Variants in TLX2 observed in about 807,000 individuals in gnomAD.
TLX2 encodes T-cell leukemia homeobox protein 2.
A neutral mutation model predicts 21.7 loss-of-function variants in TLX2; 15 were observed. The ratio of observed to expected loss-of-function variants is 0.69; its 90% confidence interval spans 0.46 to 1.07. TLX2 has a LOEUF of 1.07. TLX2 is among the 50% of genes least tolerant of loss of function. The pLI is 0.00. For synonymous variants in TLX2, 213 were observed against 193.1 expected, an observed-to-expected ratio of 1.10 and a Z score of -0.85; for missense variants, 384 against 409.1, an observed-to-expected ratio of 0.94 and a Z score of 0.53.
Position 74,516,770 on chromosome 2 carries a change from C to A in TLX2, c.*581C>A. ...CTAAGGATTCCTTCCTGACTTTGAG[C>A]CTCACGTTGTCATGTGTGTTCAGCC... On this transcript the variant is annotated 3_prime_UTR_variant, in exon 3 of 3. Coordinates refer to ENST00000233638, the MANE Select transcript of TLX2 (RefSeq NM_016170.5). The A allele has an allele frequency of 6.0e-6, 1 of 167,554 alleles. No individual in the cohort carries two copies. Among genetic ancestry groups the A allele is most frequent in the Non-Finnish European group, 1.3e-5 (1 of 77,730 alleles). The allele number at this position is 167,554 out of a possible 1,614,324, so 10.4% of individuals were successfully genotyped here.
chr2:74,516,030 G>C lies in TLX2; in HGVS notation c.696G>C (p.Leu232=). The C allele has an allele frequency of 6.4e-7, 1 of 1,556,692 alleles. No individual in the cohort carries two copies. The highest frequency in any genetic ancestry group is 1.2e-5 in the South Asian group (1 of 85,606). Residue 232 remains leucine, a synonymous_variant, in exon 3 of 3, where the codon CTG becomes CTC. Transcript: ENST00000233638. ...GGCACCGCGCGGGCCGGCTGCTCCT[G>C]CATCTGCAGCAGGACGCGTTGCCAC... ...AERHRAGRLL[L]HLQQDALPRP... is the part of the protein sequence containing the mutation.
At position 74,515,858 on chromosome 2, in the gene TLX2, G is replaced by A. The variant is rs1331120057; in HGVS notation, c.626G>A (p.Arg209His). The change falls in exon 2 of 3, where the codon CGC becomes CAC. Residue 209 changes from arginine (R) to histidine (H), a missense_variant. Arg to His is a conservative substitution (Grantham distance 29, BLOSUM62 0). Transcript: ENST00000233638. The surrounding 1 kb of genome is among the most constrained non-coding windows in gnomAD (Gnocchi z 6.6). ...AQVKTWFQNR[R>H]TKWRRQTAEE... ...GTCAAAACGTGGTTCCAGAACCGAC[G>A]CACCAAGTGGCGGTGAGGCGCGGCG... The A allele has an allele frequency of 1.9e-6, 3 of 1,605,954 alleles. No homozygotes were observed. The highest frequency in any genetic ancestry group is 2.6e-6 in the Non-Finnish European group (3 of 1,175,328).
chr2:74,515,290 C>G lies in TLX2; in HGVS notation c.400+84C>G. The G allele has an allele frequency of 1.3e-6, 2 of 1,532,702 alleles. No individual in the cohort carries two copies. The highest frequency in any genetic ancestry group is 2.4e-5 in the South Asian group (2 of 83,512). The allele number at this position is 1,532,702 out of a possible 1,614,324, so 94.9% of individuals were successfully genotyped here. On this transcript the variant is annotated intron_variant, in intron 1 of 2. Coordinates refer to ENST00000233638, the MANE Select transcript of TLX2 (RefSeq NM_016170.5). This position sits in a 1 kb window ranked among gnomAD's most constrained non-coding sequence, Gnocchi z 6.6. The stretch of plus-strand genomic sequence containing the variant: ...TTAGCTTTCTGCTCCAACTCAAGGA[C>G]CCCTTTCACACCTCCCACTAGATCC...
rs1674884853 is a variant in TLX2 at position 74,516,312 on chromosome 2, A to C, written c.*123A>C. ...GCGGCAGGCCTTGAGGCTGTCGTCG[A>C]GGGCTCCTCCACCACCGGCCGGCTC... On this transcript the variant is annotated 3_prime_UTR_variant, in exon 3 of 3. Coordinates refer to ENST00000233638, the MANE Select transcript of TLX2 (RefSeq NM_016170.5). 6.6e-7 allele frequency: 1 copy of C among 1,524,896 alleles called. No homozygotes were observed. The highest frequency in any genetic ancestry group is 8.8e-7 in the Non-Finnish European group (1 of 1,141,622). 94.5% of individuals were successfully genotyped at this position (1,524,896 alleles called of 1,614,324 possible). A position where few individuals can be genotyped will look rare whatever the true frequency, so the allele number is the denominator to read the frequency against.
rs781226088 is a variant in TLX2, at chr2:74,516,247, G to T, written c.*58G>T. The T allele has an allele frequency of 2.6e-6, 4 of 1,567,040 alleles. No individual in the cohort carries two copies. The highest frequency in any genetic ancestry group is 4.7e-5 in the East Asian group (2 of 42,622). ...GCCCGGAGCGGTGGAGCGCGCGGCT[G>T]CCTGCGTCCATGGTCTAGTGGCAGC... On this transcript the variant is annotated 3_prime_UTR_variant, in exon 3 of 3. Transcript: ENST00000233638.
rs1674865752 is a variant in TLX2 at position 74,515,697 on chromosome 2, G to A, written c.465G>A (p.Pro155=). ...ACCCCTACCAAAACCGGACCCCTCCGAAGCGGAAGAAGCCGCGCACGTCCT... is the reference window on the plus strand; with the variant it reads ...ACCCCTACCAAAACCGGACCCCTCCAAAGCGGAAGAAGCCGCGCACGTCCT... ...IGHPYQNRTP[P]KRKKPRTSFS... is the part of the protein sequence containing the mutation. Residue 155 remains proline, a synonymous_variant, in exon 2 of 3, where the codon CCG becomes CCA. Transcript: ENST00000233638. The surrounding 1 kb of genome is among the most constrained non-coding windows in gnomAD (Gnocchi z 6.6). 6.2e-7 allele frequency: 1 copy of A among 1,613,714 alleles called. No homozygotes were observed. Among genetic ancestry groups the A allele is most frequent in the Non-Finnish European group, 8.5e-7 (1 of 1,179,960 alleles).
In TLX2 at chr2:74,515,554, C is replaced by A; in HGVS notation, c.401-79C>A. On this transcript the variant is annotated intron_variant, in intron 1 of 2. Coordinates refer to ENST00000233638, the MANE Select transcript of TLX2 (RefSeq NM_016170.5). This position sits in a 1 kb window ranked among gnomAD's most constrained non-coding sequence, Gnocchi z 6.6. ...GGACAGGGCGCGGGAGTTCTGCGGC[C>A]TGGACAGCCGCGCGGCCTTCTCAGT... 7.0e-7 allele frequency: 1 copy of A among 1,422,192 alleles called. No homozygotes were observed. Among genetic ancestry groups the A allele is most frequent in the Non-Finnish European group, 9.7e-7 (1 of 1,035,030 alleles). The allele number at this position is 1,422,192 out of a possible 1,614,324, so 88.1% of individuals were successfully genotyped here.
In TLX2 at chr2:74,516,454, C is replaced by T; in HGVS notation, c.*265C>T. The T allele has an allele frequency of 7.4e-7, 1 of 1,359,148 alleles. No homozygotes were observed. Among genetic ancestry groups the T allele is most frequent in the South Asian group, 1.5e-5 (1 of 66,150 alleles). 84.2% of individuals were successfully genotyped at this position (1,359,148 alleles called of 1,614,324 possible). On this transcript the variant is annotated 3_prime_UTR_variant, in exon 3 of 3. Transcript: ENST00000233638. Reference sequence around the variant, plus strand: ...TGAGGCGCCGAGAGGGCGGGACCTGCAGGACAGTAGCCAATGAGGTGCGGG... The same window carrying T: ...TGAGGCGCCGAGAGGGCGGGACCTGTAGGACAGTAGCCAATGAGGTGCGGG...
At position 74,516,689 on chromosome 2, in the gene TLX2, C is replaced by T. The variant is rs573136944; in HGVS notation, c.*500C>T. On this transcript the variant is annotated 3_prime_UTR_variant, in exon 3 of 3. Transcript: ENST00000233638. ...GCGCGAGAGGCTGGCTGATTGTGAC[C>T]GAAACCAGAGGGTTGTCCACCCCGG... 470 of 269,668 alleles carry T rather than the reference C, an allele frequency of 1.7e-3. 1 individual carries two copies. The highest frequency in any genetic ancestry group is 0.011 in the Middle Eastern group (7 of 616). The allele number at this position is 269,668 out of a possible 1,614,324, so 16.7% of individuals were successfully genotyped here.
Position 74,516,026 on chromosome 2 carries a change from T to C in TLX2, c.692T>C (p.Leu231Pro), listed in dbSNP as rs781511236. 1.3e-6 allele frequency: 2 copies of C among 1,550,578 alleles called. No homozygotes were observed. Among genetic ancestry groups the C allele is most frequent in the East Asian group, 5.0e-5 (2 of 39,936 alleles). Residue 231 changes from leucine to proline, a missense_variant, in exon 3 of 3, where the codon CTC becomes CCC. By Grantham distance (98) the Leu-to-Pro change is moderately conservative. Coordinates refer to ENST00000233638, the MANE Select transcript of TLX2 (RefSeq NM_016170.5). ...EAERHRAGRL[L>P]LHLQQDALPR... ...GAGCGGCACCGCGCGGGCCGGCTGC[T>C]CCTGCATCTGCAGCAGGACGCGTTG...
chr2:74,514,938 T>C lies in TLX2; in HGVS notation c.132T>C (p.His44=). The C allele has an allele frequency of 1.9e-6, 3 of 1,600,152 alleles. No homozygotes were observed. Among genetic ancestry groups the C allele is most frequent in the South Asian group, 1.1e-5 (1 of 89,842 alleles). ...GCCTGGGTCGCGGGGGCCAGGGTCA[T>C]GGGGAGAATGGGGCGTTCTCGGGTG... ...GLGLGRGGQG[H]GENGAFSGGY... Residue 44 remains histidine (H), a synonymous_variant, in exon 1 of 3, where the codon CAT becomes CAC. Coordinates refer to ENST00000233638, the MANE Select transcript of TLX2 (RefSeq NM_016170.5). The surrounding 1 kb of genome is among the most constrained non-coding windows in gnomAD (Gnocchi z 5.0).
Position 74,515,120 on chromosome 2 carries a change from C to A in TLX2, c.314C>A (p.Ser105Ter). Residue 105 changes from serine (S) to a stop codon, truncating the protein, a stop_gained, in exon 1 of 3, where the codon TCG becomes TAG. Coordinates refer to ENST00000233638, the MANE Select transcript of TLX2 (RefSeq NM_016170.5). LOFTEE classifies it high-confidence loss of function. The surrounding 1 kb of genome is among the most constrained non-coding windows in gnomAD (Gnocchi z 6.6). ...AGGAPAVPGP[S>*]GLGGAGGLAG... ...GGGGCGCCTGCAGTGCCTGGGCCCTCGGGTTTGGGCGGCGCCGGAGGCCTA... is the reference window on the plus strand; with the variant it reads ...GGGGCGCCTGCAGTGCCTGGGCCCTAGGGTTTGGGCGGCGCCGGAGGCCTA... The A allele has an allele frequency of 6.5e-7, 1 of 1,539,520 alleles. No homozygotes were observed. Among genetic ancestry groups the A allele is most frequent in the Non-Finnish European group, 8.7e-7 (1 of 1,144,902 alleles).
chr2:74,516,056 G>GGCCGCTGCGGCC lies in TLX2; in HGVS notation c.731_742dup (p.Arg244_Leu247dup), dbSNP rs749378097. On this transcript the variant is annotated inframe_insertion, in exon 3 of 3. Coordinates refer to ENST00000233638, the MANE Select transcript of TLX2 (RefSeq NM_016170.5). ...CATCTGCAGCAGGACGCGTTGCCAC[G>GGCCGCTGCGGCC]GCCGCTGCGGCCGCCGCTGCCCCCG... 63 of 1,583,048 alleles carry GGCCGCTGCGGCC rather than the reference G, an allele frequency of 4.0e-5. No homozygotes were observed. The African/African-American group carries it at 7.5e-4, about 19-fold the overall frequency.
In TLX2 at chr2:74,516,007, C is replaced by T; in HGVS notation, c.673C>T (p.His225Tyr). The change falls in exon 3 of 3, where the codon CAC becomes TAC. Residue 225 changes from histidine (H) to tyrosine (Y), a missense_variant. Transcript: ENST00000233638. ...GGCGGAGGAGCGCGAGGCCGAGCGG[C>T]ACCGCGCGGGCCGGCTGCTCCTGCA... ...QTAEEREAER[H>Y]RAGRLLLHLQ... 1 of 1,516,752 alleles carries T rather than the reference C, an allele frequency of 6.6e-7. No individual in the cohort carries two copies. The highest frequency in any genetic ancestry group is 1.4e-5 in the African/African-American group (1 of 69,722). The allele number at this position is 1,516,752 out of a possible 1,614,324, so 94.0% of individuals were successfully genotyped here.
Position 74,516,615 on chromosome 2 carries a change from G to T in TLX2, c.*426G>T. ...CCGGCTGGGTCTGTACCAAAGGTGTGAAGGAAAGAAGACACCGACCACGGC... is the reference window on the plus strand; with the variant it reads ...CCGGCTGGGTCTGTACCAAAGGTGTTAAGGAAAGAAGACACCGACCACGGC... On this transcript the variant is annotated 3_prime_UTR_variant, in exon 3 of 3. Coordinates refer to ENST00000233638, the MANE Select transcript of TLX2 (RefSeq NM_016170.5). The T allele has an allele frequency of 1.1e-6, 1 of 878,932 alleles. No homozygotes were observed. Among genetic ancestry groups the T allele is most frequent in the Non-Finnish European group, 1.4e-6 (1 of 696,920 alleles). The allele number at this position is 878,932 out of a possible 1,614,324, so 54.4% of individuals were successfully genotyped here.
Position 74,514,923 on chromosome 2 carries a change from C to T in TLX2, c.117C>T (p.Arg39=), listed in dbSNP as rs753274864. The T allele has an allele frequency of 5.6e-6, 9 of 1,607,848 alleles. No individual in the cohort carries two copies. The highest frequency in any genetic ancestry group is 7.6e-6 in the Non-Finnish European group (9 of 1,177,722). ...ETPGGGLGLG[R]GGQGHGENGA... ...CAGGGGGCGGTCTAGGCCTGGGTCG[C>T]GGGGGCCAGGGTCATGGGGAGAATG... The change falls in exon 1 of 3, where the codon CGC becomes CGT. Residue 39 remains arginine (R), a synonymous_variant. Coordinates refer to ENST00000233638, the MANE Select transcript of TLX2 (RefSeq NM_016170.5). The surrounding 1 kb of genome is among the most constrained non-coding windows in gnomAD (Gnocchi z 5.0).
chr2:74,515,510 A>C lies in TLX2; in HGVS notation c.401-123A>C. On this transcript the variant is annotated intron_variant, in intron 1 of 2. Transcript: ENST00000233638. The surrounding 1 kb of genome is among the most constrained non-coding windows in gnomAD (Gnocchi z 6.6). ...CTTTCTTGGCTATAGGGCTCGGCTG[A>C]TGCTTAGGGCCCGGGTAAGGACAGG... 1 of 1,144,746 alleles carries C rather than the reference A, an allele frequency of 8.7e-7. No individual in the cohort carries two copies. The highest frequency in any genetic ancestry group is 2.4e-5 in the East Asian group (1 of 42,240). The allele number at this position is 1,144,746 out of a possible 1,614,324, so 70.9% of individuals were successfully genotyped here.
chr2:74,515,504 C>T lies in TLX2; in HGVS notation c.401-129C>T, dbSNP rs1358826301. 1.8e-6 allele frequency: 2 copies of T among 1,108,824 alleles called. No individual in the cohort carries two copies. Among genetic ancestry groups the T allele is most frequent in the African/African-American group, 1.6e-5 (1 of 63,766 alleles). 68.7% of individuals were successfully genotyped at this position (1,108,824 alleles called of 1,614,324 possible). A position where few individuals can be genotyped will look rare whatever the true frequency, so the allele number is the denominator to read the frequency against. On this transcript the variant is annotated intron_variant, in intron 1 of 2. Coordinates refer to ENST00000233638, the MANE Select transcript of TLX2 (RefSeq NM_016170.5). The surrounding 1 kb of genome is among the most constrained non-coding windows in gnomAD (Gnocchi z 6.6). ...AAGGGCCTTTCTTGGCTATAGGGCT[C>T]GGCTGATGCTTAGGGCCCGGGTAAG... is the stretch of plus-strand genomic sequence containing the variant.
Position 74,516,501 on chromosome 2 carries a change from G to T in TLX2, c.*312G>T. ...CGGGGAGGGGGCCGGGCTGGCCAAT[G>T]GGAGCTGCTTTCCTGAGGGACTCGA... On this transcript the variant is annotated 3_prime_UTR_variant, in exon 3 of 3. Transcript: ENST00000233638. 8.0e-7 allele frequency: 1 copy of T among 1,252,244 alleles called. No homozygotes were observed. 77.6% of individuals were successfully genotyped at this position (1,252,244 alleles called of 1,614,324 possible). A position where few individuals can be genotyped will look rare whatever the true frequency, so the allele number is the denominator to read the frequency against.
Sources: allele counts gnomAD v4.1 joint callset, GRCh38; gene constraint gnomAD v4.1.1; non-coding constraint Gnocchi (gnomAD v3.1); transcripts MANE v1.5; gene names NCBI Gene and HGNC (gene_info 2026-07-23, HGNC 2026-07-21).